The following ZNF407 variants were observed in gnomAD, a reference collection of about 807,000 sequenced individuals.
ZNF407 encodes the protein zinc finger protein 407.
ZNF407 carries 17 observed loss-of-function variants against 131.2 expected under a neutral mutation model. The ratio of observed to expected loss-of-function variants is 0.13; its 90% CI spans 0.09 to 0.19. ZNF407 has a LOEUF of 0.19. Among genes scored for constraint, ZNF407 ranks in the 10% least tolerant of loss-of-function variants. The pLI, the probability that ZNF407 is intolerant of heterozygous loss-of-function variation, is 1.00. For synonymous variants in ZNF407, 1,156 were observed against 1,062.0 expected (o/e 1.09, Z -1.72); for missense variants, 2,681 against 2,830.6 (o/e 0.95, Z 1.20).
intron 8 of ZNF407, among the ~76,000 whole-genome samples, chr18:75,035,087 T>A (rs78118888): frequency 0.018 from 2,725 of 152,244 alleles, 58 homozygotes; most frequent in South Asian, 0.062. Context: ...ACTGAAAAAA[T>A]TAGTTGTGGC....
chr18:75,013,547 AG>A (rs1973008596), intron 8 of ZNF407, among the ~76,000 whole-genome samples: 1 of 152,178 alleles, frequency 6.6e-6, no homozygotes, highest in Non-Finnish European at 1.5e-5. Context: ...AATGTTCTCC[AG>A]ATTTTGCCCA....
intron 7 of ZNF407, among the ~76,000 whole-genome samples, chr18:74,908,469 A>G (rs950331964): frequency 6.6e-6 from 1 of 151,806 alleles, no homozygotes; most frequent in Admixed American, 6.6e-5. Flanking sequence ...TGATGAAATG[A>G]CATCTGTGTT....
At chr18:74,727,585 T>A (rs969545903) in intron 3 of ZNF407, among the ~76,000 whole-genome samples, 4 of 152,182 alleles carry the variant, frequency 2.6e-5, no homozygotes, top group African/African-American at 9.7e-5. Context: ...TTTATGTTAG[T>A]GTTTTGCCAC....
intron 4 of ZNF407, among the ~76,000 whole-genome samples, chr18:74,834,332 T>G (rs1970526435): frequency 6.6e-6 from 1 of 152,260 alleles, no homozygotes; most frequent in Non-Finnish European, 1.5e-5. Context: ...ATTCCTTTAC[T>G]TCTTAGCTAC....
intron 4 of ZNF407, among the ~76,000 whole-genome samples, chr18:74,786,776 T>G (rs1350823409): frequency 6.6e-6 from 1 of 150,744 alleles, no homozygotes; most frequent in Non-Finnish European, 1.5e-5. Flanking sequence ...TTAATTGGTT[T>G]TAATGTAAAA....
At chr18:75,011,069 G>C (rs1185381944) in intron 8 of ZNF407, among the ~76,000 whole-genome samples, 1 of 152,056 alleles carries the variant, frequency 6.6e-6, no homozygotes, top group Non-Finnish European at 1.5e-5. Context: ...TGGAATTAGT[G>C]GGTTGAAAAG....
intron 3 of ZNF407, among the ~76,000 whole-genome samples, chr18:74,687,561 G>C (rs1599069907): frequency 6.6e-6 from 1 of 152,226 alleles, no homozygotes; most frequent in Non-Finnish European, 1.5e-5. Flanking sequence ...TCAGGTAGAA[G>C]TAGTGAGTTC....
At chr18:74,867,489 A>G (rs1971029889) in intron 4 of ZNF407, among the ~76,000 whole-genome samples, 1 of 152,196 alleles carries the variant, frequency 6.6e-6, no homozygotes, top group South Asian at 2.1e-4. Flanking sequence ...ACATACCAGG[A>G]ATAAAAATTC....
chr18:74,877,474 G>GTCC (rs1276560300), intron 5 of ZNF407, 111 bp downstream of exon 5: 5 of 1,025,844 alleles, frequency 4.9e-6, no homozygotes, highest in Non-Finnish European at 7.2e-6. Flanking sequence ...TGGAAATGAT[G>GTCC]TCCTGCTTTA....
intron 7 of ZNF407, among the ~76,000 whole-genome samples, chr18:74,914,573 T>G (rs978994457): frequency 3.3e-5 from 5 of 152,204 alleles, no homozygotes; most frequent in Admixed American, 1.3e-4. Context: ...AGATAATGCA[T>G]AGATTACATT....
At chr18:74,680,885 C>T (rs1966967754) in intron 3 of ZNF407, among the ~76,000 whole-genome samples, 1 of 151,946 alleles carries the variant, frequency 6.6e-6, no homozygotes, top group Non-Finnish European at 1.5e-5. Flanking sequence ...CAGTGCTCAC[C>T]CTTTTAAATG....
intron 4 of ZNF407, among the ~76,000 whole-genome samples, chr18:74,854,099 T>C (rs569308225): frequency 1.3e-5 from 2 of 152,222 alleles, no homozygotes; most frequent in East Asian, 3.9e-4. Flanking sequence ...CTTTACAGGG[T>C]CAGCGTGAGG....
At chr18:74,948,495 G>A (rs543044022) in intron 8 of ZNF407, among the ~76,000 whole-genome samples, 11 of 152,086 alleles carry the variant, frequency 7.2e-5, no homozygotes, top group East Asian at 1.9e-4. Context: ...TTGCAGTTTC[G>A]ATTCTATGGA....
chr18:75,054,705 G>A (rs1258992687), intron 8 of ZNF407, among the ~76,000 whole-genome samples: 1 of 152,240 alleles, frequency 6.6e-6, no homozygotes, highest in African/African-American at 2.4e-5. Context: ...AGGAAAAGGT[G>A]GTTGGGATTC....
intron 6 of ZNF407, among the ~76,000 whole-genome samples, chr18:74,887,598 T>C (rs1971327829): frequency 2.0e-5 from 3 of 152,184 alleles, no homozygotes; most frequent in African/African-American, 4.8e-5. Context: ...GGTTATGAGC[T>C]CTTGATGAGA....
intron 3 of ZNF407, among the ~76,000 whole-genome samples, chr18:74,721,125 A>C (rs1384128796): frequency 6.6e-6 from 1 of 152,130 alleles, no homozygotes; most frequent in African/African-American, 2.4e-5. Flanking sequence ...ATTTATGAAC[A>C]GGAGATGTCT....
At chr18:74,621,979 T>G (rs1983529278) in intron 1 of ZNF407, among the ~76,000 whole-genome samples, 1 of 152,156 alleles carries the variant, frequency 6.6e-6, no homozygotes, top group Non-Finnish European at 1.5e-5. Flanking sequence ...GCCTCCACTG[T>G]TATCTAGTGA....
At chr18:74,771,601 G>A (rs1279842296) in intron 3 of ZNF407, among the ~76,000 whole-genome samples, 2 of 151,610 alleles carry the variant, frequency 1.3e-5, no homozygotes, top group African/African-American at 2.4e-5. Context: ...ATTATAGTAT[G>A]CCCCAGGTTT....
At chr18:74,745,861 A>AT (rs1968656648) in intron 3 of ZNF407, among the ~76,000 whole-genome samples, 1 of 152,150 alleles carries the variant, frequency 6.6e-6, no homozygotes, top group Admixed American at 6.6e-5. Context: ...AGGAGTCTGT[A>AT]TTCATTTGCT....
Sources: gnomAD v4.1 joint callset for allele counts (sites outside exome capture counted in the v4.1 genomes callset) on GRCh38, gnomAD v4.1.1 for gene constraint, MANE v1.5 for transcripts, NCBI Gene and HGNC (gene_info 2026-07-23, HGNC 2026-07-21) for gene names.